TRAPPC9: variants seen among roughly 807,000 people sequenced by gnomAD.
TRAPPC9 encodes IKK2 binding protein.
Under a neutral mutation model 124.0 loss-of-function variants are expected in TRAPPC9, and 83 were observed. That is an observed-to-expected ratio of 0.67 (90% CI 0.56 to 0.80). The LOEUF (loss-of-function observed/expected upper bound fraction) is 0.80, where lower values mean the gene tolerates loss of function less well. TRAPPC9 is among the 30% of genes least tolerant of loss of function. TRAPPC9 has a pLI of 0.00. For synonymous variants in TRAPPC9, 638 were observed against 617.5 expected, an observed-to-expected ratio of 1.03 and a Z score of -0.49; for missense variants, 1,302 against 1,508.3, an observed-to-expected ratio of 0.86 and a Z score of 2.27.
intron 21 of TRAPPC9, among the ~76,000 whole-genome samples, chr8:139,745,715 G>A (rs1292788151): frequency 6.6e-6 from 1 of 152,258 alleles, no homozygotes; most frequent in Non-Finnish European, 1.5e-5. Context: ...AGGACAGGGA[G>A]GCAAAGGGGA....
chr8:140,330,300 T>C (rs1290148749), intron 9 of TRAPPC9, among the ~76,000 whole-genome samples: 1 of 152,124 alleles, frequency 6.6e-6, no homozygotes, highest in Admixed American at 6.6e-5. Context: ...CTAGAAAGGC[T>C]GAAAAAGTCA....
intron 17 of TRAPPC9, among the ~76,000 whole-genome samples, chr8:140,116,606 C>T (rs1414747047): frequency 2.6e-5 from 4 of 152,174 alleles, no homozygotes; most frequent in Admixed American, 1.3e-4. Context: ...TCACATATAT[C>T]TCTCTAGCAC....
chr8:140,117,086 C>G (rs1245888125), intron 17 of TRAPPC9, among the ~76,000 whole-genome samples: 1 of 152,110 alleles, frequency 6.6e-6, no homozygotes, highest in Non-Finnish European at 1.5e-5. Context: ...GACCCTTGAG[C>G]CAGTGGGGTA....
chr8:139,933,573 C>T (rs938866807), intron 19 of TRAPPC9: 1 of 152,344 alleles, frequency 6.6e-6, no homozygotes, highest in African/African-American at 2.4e-5. Flanking sequence ...GGCCGCTTCT[C>T]CACGCTTTTG....
chr8:139,861,076 C>T (rs959267635), intron 21 of TRAPPC9, among the ~76,000 whole-genome samples: 3 of 152,198 alleles, frequency 2.0e-5, no homozygotes, highest in East Asian at 1.9e-4. Context: ...AACTGGGTTC[C>T]GTTTGTGCTT....
At chr8:140,077,921 C>G (rs1439272908) in intron 17 of TRAPPC9, among the ~76,000 whole-genome samples, 1 of 152,116 alleles carries the variant, frequency 6.6e-6, no homozygotes, top group Non-Finnish European at 1.5e-5. Context: ...CGTGATGTTT[C>G]TTATGGAAAA....
At chr8:140,434,969 CAA>C (rs371009615) in intron 4 of TRAPPC9, 141 bp downstream of exon 4, 4,856 of 1,106,042 alleles carry the variant, frequency 4.4e-3, no homozygotes, top group Non-Finnish European at 4.5e-3. Context: ...GACTCTGTCT[CAA>C]AAAAAAAAAA....
At chr8:139,803,413 T>C (rs1229627993) in intron 21 of TRAPPC9, among the ~76,000 whole-genome samples, 1 of 152,222 alleles carries the variant, frequency 6.6e-6, no homozygotes, top group African/African-American at 2.4e-5. Context: ...CTGCCTCTGA[T>C]GAACCACACA....
At chr8:140,075,189 T>C (rs1843432962) in intron 17 of TRAPPC9, among the ~76,000 whole-genome samples, 1 of 152,196 alleles carries the variant, frequency 6.6e-6, no homozygotes, top group Admixed American at 6.5e-5. Context: ...TTCTAGGCCC[T>C]GCGTCTTATA....
chr8:140,119,065 G>T (rs1363858391), intron 17 of TRAPPC9, among the ~76,000 whole-genome samples: 5 of 152,212 alleles, frequency 3.3e-5, no homozygotes, highest in African/African-American at 1.2e-4. Context: ...TGAAATGTAA[G>T]CATCTGCAGG....
At chr8:140,073,477 T>C (rs1166036875) in intron 17 of TRAPPC9, among the ~76,000 whole-genome samples, 1 of 152,212 alleles carries the variant, frequency 6.6e-6, no homozygotes. Flanking sequence ...GTGCCTATTA[T>C]GTGACACTCT....
intron 21 of TRAPPC9, among the ~76,000 whole-genome samples, chr8:139,750,638 A>G (rs902564762): frequency 2.0e-5 from 3 of 152,180 alleles, no homozygotes; most frequent in Non-Finnish European, 2.9e-5. Context: ...GCTCCTGGGG[A>G]TAGACCTCTG....
chr8:139,935,424 C>T (rs1364380716), intron 19 of TRAPPC9, among the ~76,000 whole-genome samples: 2 of 152,200 alleles, frequency 1.3e-5, no homozygotes, highest in Non-Finnish European at 1.5e-5. Flanking sequence ...ACGTCTATCC[C>T]ATGACGTTCT....
chr8:140,068,441 C>G (rs1194570256), intron 17 of TRAPPC9, among the ~76,000 whole-genome samples: 1 of 152,180 alleles, frequency 6.6e-6, no homozygotes, highest in African/African-American at 2.4e-5. Context: ...GACGCTTGGG[C>G]AGGCTGCACA....
At chr8:140,172,673 C>T (rs1232044912) in intron 17 of TRAPPC9, among the ~76,000 whole-genome samples, 1 of 152,158 alleles carries the variant, frequency 6.6e-6, no homozygotes, top group Non-Finnish European at 1.5e-5. Context: ...TCAGAAATGC[C>T]GCACACTGTG....
At chr8:139,962,013 T>A (rs1835393924) in intron 19 of TRAPPC9, among the ~76,000 whole-genome samples, 1 of 123,452 alleles carries the variant, frequency 8.1e-6, no homozygotes, top group African/African-American at 2.6e-5. Context: ...ACTGCAGACA[T>A]CAGGACAACC....
chr8:139,959,488 T>C (rs552006507), intron 19 of TRAPPC9, among the ~76,000 whole-genome samples: 1 of 151,846 alleles, frequency 6.6e-6, no homozygotes, highest in Non-Finnish European at 1.5e-5. Flanking sequence ...TGGTGAGAGG[T>C]GAAGCTGAGC....
rs557291237 is a variant in TRAPPC9 at position 140,351,115 on chromosome 8, C to T, written c.1495+8935G>A. The stretch of plus-strand genomic sequence containing the variant: ...AGAAAAGGTGATTCCAGGGCTGGGC[C>T]GGAACAACCGCGTGGGTAGTCAGGT... On this transcript the variant is annotated intron_variant, in intron 9 of 22. Transcript: ENST00000438773. 3.3e-5 allele frequency among the ~76,000 whole-genome samples: 5 copies of T among 150,830 alleles called. No individual in the cohort carries two copies. In the East Asian group the frequency reaches 6.1e-4, roughly 18 times the overall value.
At chr8:139,781,720 G>A (rs2130529438) in intron 21 of TRAPPC9, among the ~76,000 whole-genome samples, 1 of 152,314 alleles carries the variant, frequency 6.6e-6, no homozygotes, top group South Asian at 2.1e-4. Flanking sequence ...GTGTGTTTGT[G>A]TGTGTGCCTG....
Sources: gnomAD v4.1 joint callset for allele counts (sites outside exome capture counted in the v4.1 genomes callset) on GRCh38, gnomAD v4.1.1 for gene constraint, MANE v1.5 for transcripts, NCBI Gene and HGNC (gene_info 2026-07-23, HGNC 2026-07-21) for gene names.